NRG1: variants seen among roughly 807,000 people sequenced by gnomAD.
NRG1 encodes pro-neuregulin-1, membrane-bound isoform.
A neutral mutation model predicts 63.8 loss-of-function variants in NRG1; 18 were observed. That is an observed-to-expected ratio of 0.28 (90% CI 0.19 to 0.42). The LOEUF is 0.42. NRG1 is among the 10% of genes least tolerant of loss of function. NRG1 has a pLI of 1.00. For synonymous variants in NRG1, 302 were observed against 301.3 expected, an observed-to-expected ratio of 1.00 and a Z score of -0.02; for missense variants, 762 against 814.7, an observed-to-expected ratio of 0.94 and a Z score of 0.79.
At chr8:31,966,939 TAACTC>T (rs1277217147) in intron 1 of NRG1, among the ~76,000 whole-genome samples, 1 of 152,168 alleles carries the variant, frequency 6.6e-6, no homozygotes, top group African/African-American at 2.4e-5. Context: ...AAACCATAGA[TAACTC>T]AAATGCATTT....
At chr8:31,962,188 A>G (rs1473452382) in intron 1 of NRG1, among the ~76,000 whole-genome samples, 2 of 152,196 alleles carry the variant, frequency 1.3e-5, no homozygotes, top group Non-Finnish European at 2.9e-5. Flanking sequence ...GTCTCCTCCA[A>G]TACATTTCTA....
chr8:32,096,960 G>C (rs1490681583), intron 1 of NRG1, among the ~76,000 whole-genome samples: 1 of 152,152 alleles, frequency 6.6e-6, no homozygotes, highest in African/African-American at 2.4e-5. Flanking sequence ...CTATCTAACT[G>C]TATGTTTTTG....
chr8:31,793,414 T>A (rs1047615847), intron 1 of NRG1, among the ~76,000 whole-genome samples: 4 of 152,210 alleles, frequency 2.6e-5, no homozygotes, highest in African/African-American at 9.6e-5. Flanking sequence ...GGGGCTTCAC[T>A]CAGTGACTAA....
intron 1 of NRG1, among the ~76,000 whole-genome samples, chr8:32,066,192 T>C (rs10808320): frequency 0.52 from 75,208 of 143,672 alleles, 15,997 homozygotes; most frequent in Middle Eastern, 0.61. Context: ...TTAGTTTAAT[T>C]AGATCCCATT....
At chr8:32,447,490 A>G (rs12707704) in intron 1 of NRG1, among the ~76,000 whole-genome samples, 61,704 of 151,948 alleles carry the variant, frequency 0.41, 12,822 homozygotes, top group Non-Finnish European at 0.43. Context: ...GATAATCTTG[A>G]GACATCAGCA....
At chr8:32,559,883 A>G (rs1434683240) in intron 1 of NRG1, among the ~76,000 whole-genome samples, 1 of 151,726 alleles carries the variant, frequency 6.6e-6, no homozygotes, top group Non-Finnish European at 1.5e-5. Context: ...TTAGCCAGGC[A>G]TGGTGGGATG....
chr8:32,441,944 TA>T (rs1161943282), intron 1 of NRG1, among the ~76,000 whole-genome samples: 4 of 152,142 alleles, frequency 2.6e-5, no homozygotes, highest in Admixed American at 2.6e-4. Context: ...GAATTCAAAA[TA>T]AAGCATATTT....
At chr8:32,743,032 T>A in intron 7 of NRG1, 3 of 1,171,670 alleles carry the variant, frequency 2.6e-6, no homozygotes, top group Non-Finnish European at 3.2e-6. Flanking sequence ...TGAAATATGA[T>A]AATAAAGGCA....
intron 1 of NRG1, among the ~76,000 whole-genome samples, chr8:31,682,437 A>G (rs576948103): frequency 4.6e-4 from 70 of 152,304 alleles, no homozygotes; most frequent in African/African-American, 1.5e-3. Flanking sequence ...GTTCGTTAGC[A>G]GAATGATTTT....
At chr8:32,292,509 G>A (rs1354139683) in intron 1 of NRG1, among the ~76,000 whole-genome samples, 3 of 152,138 alleles carry the variant, frequency 2.0e-5, no homozygotes, top group African/African-American at 4.8e-5. Flanking sequence ...CAGTTTGCAT[G>A]GCAATTCTCC....
chr8:31,659,950 A>G (rs1330081512), intron 1 of NRG1, among the ~76,000 whole-genome samples: 1 of 152,104 alleles, frequency 6.6e-6, no homozygotes, highest in Non-Finnish European at 1.5e-5. Context: ...AATCTTGACA[A>G]TATCCCCAGA....
At chr8:31,902,589 A>T (rs891129416) in intron 1 of NRG1, among the ~76,000 whole-genome samples, 1 of 152,194 alleles carries the variant, frequency 6.6e-6, no homozygotes, top group African/African-American at 2.4e-5. Context: ...AGACGTTACT[A>T]TGAAAAGGAT....
At chr8:32,274,821 G>C (rs192690917) in intron 1 of NRG1, among the ~76,000 whole-genome samples, 11 of 152,192 alleles carry the variant, frequency 7.2e-5, no homozygotes, top group Admixed American at 2.6e-4. Flanking sequence ...TGTATAAACA[G>C]GTTGCTTTTT....
At chr8:32,692,946 C>A (rs570311442) in intron 5 of NRG1, among the ~76,000 whole-genome samples, 26 of 152,298 alleles carry the variant, frequency 1.7e-4, no homozygotes, top group Non-Finnish European at 2.9e-4. Context: ...GGACACATTA[C>A]TACACTTATC....
chr8:32,372,087 C>T (rs1808963631), intron 1 of NRG1, among the ~76,000 whole-genome samples: 1 of 150,776 alleles, frequency 6.6e-6, no homozygotes, highest in South Asian at 2.1e-4. Flanking sequence ...CTCCCAGGCT[C>T]AAGCAATCCT....
intron 1 of NRG1, among the ~76,000 whole-genome samples, chr8:32,345,552 C>T (rs543336057): frequency 1.3e-5 from 2 of 152,266 alleles, no homozygotes; most frequent in South Asian, 2.1e-4. Flanking sequence ...ACCCTCTTCT[C>T]CCAGTGCTTT....
At chr8:32,474,608 T>G (rs1824264690) in intron 1 of NRG1, among the ~76,000 whole-genome samples, 1 of 151,372 alleles carries the variant, frequency 6.6e-6, no homozygotes, top group Non-Finnish European at 1.5e-5. Flanking sequence ...TTCTCCTGCC[T>G]CAGCCTCCCA....
chr8:32,641,728 C>T (rs1024466686), intron 5 of NRG1, among the ~76,000 whole-genome samples: 1 of 152,186 alleles, frequency 6.6e-6, no homozygotes, highest in Non-Finnish European at 1.5e-5. Flanking sequence ...GATACAGCAT[C>T]TCACAAAGTA....
intron 1 of NRG1, among the ~76,000 whole-genome samples, chr8:31,666,772 C>T (rs1448709592): frequency 1.3e-5 from 2 of 152,298 alleles, no homozygotes; most frequent in East Asian, 3.9e-4. Flanking sequence ...AGAATGGGCT[C>T]TTCCATCTGA....
Sources: gnomAD v4.1 joint callset for allele counts (sites outside exome capture counted in the v4.1 genomes callset) on GRCh38, gnomAD v4.1.1 for gene constraint, MANE v1.5 for transcripts, NCBI Gene and HGNC (gene_info 2026-07-23, HGNC 2026-07-21) for gene names.